ERCC6L2: variants seen among roughly 807,000 people sequenced by gnomAD.
ERCC6L2 encodes ERCC excision repair 6 like 2, also known as DNA excision repair protein ERCC-6-like 2.
A neutral mutation model predicts 132.0 loss-of-function variants in ERCC6L2; 77 were observed. The observed-to-expected ratio is 0.58, with a 90% CI of 0.49 to 0.71. ERCC6L2 has a LOEUF of 0.71. Among genes scored for constraint, ERCC6L2 ranks in the 30% least tolerant of loss-of-function variants. ERCC6L2 has a pLI of 0.00. For synonymous variants in ERCC6L2, 583 were observed against 632.4 expected, an observed-to-expected ratio of 0.92 and a Z score of 1.17; for missense variants, 1,542 against 1,837.6, an observed-to-expected ratio of 0.84 and a Z score of 2.94.
chr9:95,935,208 G>A (rs1359230552), intron 11 of ERCC6L2, among the ~76,000 whole-genome samples: 1 of 152,168 alleles, frequency 6.6e-6, no homozygotes, highest in Non-Finnish European at 1.5e-5. Flanking sequence ...TAGAAGGATG[G>A]TGATGTTTTA....
intron 17 of ERCC6L2, among the ~76,000 whole-genome samples, chr9:95,993,354 C>T (rs889938857): frequency 2.6e-5 from 4 of 152,228 alleles, no homozygotes; most frequent in South Asian, 2.1e-4. Flanking sequence ...CTGGGCTGTA[C>T]TCTCATGGTG....
At chr9:95,965,060 G>C (rs1297034214) in intron 13 of ERCC6L2, among the ~76,000 whole-genome samples, 1 of 152,090 alleles carries the variant, frequency 6.6e-6, no homozygotes, top group African/African-American at 2.4e-5. Flanking sequence ...TTGTAATTCT[G>C]TACTCCCAGG....
At chr9:95,964,240 G>T (rs1022396385) in intron 13 of ERCC6L2, among the ~76,000 whole-genome samples, 1 of 151,972 alleles carries the variant, frequency 6.6e-6, no homozygotes, top group Non-Finnish European at 1.5e-5. Context: ...TCCTATTTTA[G>T]TAATAGATTA....
At chr9:95,995,146 G>T (rs1170598404) in intron 17 of ERCC6L2, among the ~76,000 whole-genome samples, 1 of 152,122 alleles carries the variant, frequency 6.6e-6, no homozygotes, top group Non-Finnish European at 1.5e-5. Flanking sequence ...TGACATCAAA[G>T]ATAGCTATCT....
At chr9:95,981,144 G>T (rs910007782) in intron 17 of ERCC6L2, among the ~76,000 whole-genome samples, 1 of 152,116 alleles carries the variant, frequency 6.6e-6, no homozygotes. Flanking sequence ...CATAGAGTCT[G>T]AATTAGAACC....
intron 13 of ERCC6L2, among the ~76,000 whole-genome samples, chr9:95,964,447 A>G (rs931589313): frequency 1.1e-4 from 17 of 152,128 alleles, no homozygotes; most frequent in African/African-American, 3.6e-4. Context: ...GGTTATCCAG[A>G]TGGGCCAATG....
chr9:96,019,044 G>A (rs180673255), downstream of ERCC6L2, among the ~76,000 whole-genome samples: 261 of 152,282 alleles, frequency 1.7e-3, 5 homozygotes, highest in Admixed American at 0.016. Flanking sequence ...GGAAAAATGC[G>A]TGTGCAGCTC....
intron 4 of ERCC6L2, among the ~76,000 whole-genome samples, chr9:95,914,543 A>G (rs1325373098): frequency 6.6e-6 from 1 of 152,008 alleles, no homozygotes; most frequent in African/African-American, 2.4e-5. Flanking sequence ...TAGTAGAGAC[A>G]AGATTTCACC....
intron 12 of ERCC6L2, among the ~76,000 whole-genome samples, chr9:95,952,885 A>G (rs1831407570): frequency 6.6e-6 from 1 of 152,114 alleles, no homozygotes. Flanking sequence ...GTCATTTATG[A>G]AAAACCCAGA....
chr9:96,038,956 G>A, exon 20 of ERCC6L2: 1 of 456,254 alleles, frequency 2.2e-6, no homozygotes, highest in African/African-American at 2.0e-5. Context: ...CATATGGAGA[G>A]CCCACATGGG....
chr9:95,948,085 A>G (rs1477242783), intron 12 of ERCC6L2, among the ~76,000 whole-genome samples: 1 of 152,194 alleles, frequency 6.6e-6, no homozygotes, highest in African/African-American at 2.4e-5. Flanking sequence ...TAGCTGTCAT[A>G]TATAGTGATT....
chr9:95,922,555 T>A, intron 8 of ERCC6L2, 137 bp downstream of exon 8: 1 of 605,294 alleles, frequency 1.7e-6, no homozygotes, highest in Non-Finnish European at 2.9e-6. Context: ...AATGTAGATA[T>A]CAAGGAGTAT....
At position 95,964,477 on chromosome 9, in the gene ERCC6L2, A is replaced by G. The variant is rs1587989118; in HGVS notation, c.1948-2085A>G. 2.0e-5 allele frequency among the ~76,000 whole-genome samples: 3 copies of G among 152,136 alleles called. No individual in the cohort carries two copies. In the East Asian group the frequency reaches 5.8e-4, roughly 29 times the overall value. On this transcript the variant is annotated intron_variant, in intron 13 of 18. Transcript: ENST00000653738. The stretch of plus-strand genomic sequence containing the variant: ...CCAATGTAATCACAAGGGATTTTTT[A>G]TAAGGGTCAGATGTGCACATCTTCA...
At chr9:95,902,637 C>G (rs1828837349) in intron 3 of ERCC6L2, among the ~76,000 whole-genome samples, 1 of 152,080 alleles carries the variant, frequency 6.6e-6, no homozygotes, top group Non-Finnish European at 1.5e-5. Context: ...TTTTTGATAA[C>G]TGGAGTTAAA....
At chr9:95,934,781 A>G (rs1401655957) in intron 11 of ERCC6L2, among the ~76,000 whole-genome samples, 1 of 152,186 alleles carries the variant, frequency 6.6e-6, no homozygotes, top group Non-Finnish European at 1.5e-5. Context: ...TCCAGATGAT[A>G]TAAGTACCTC....
intron 2 of ERCC6L2, among the ~76,000 whole-genome samples, chr9:95,885,497 C>G (rs1827816184): frequency 1.3e-5 from 2 of 152,150 alleles, no homozygotes; most frequent in African/African-American, 4.8e-5. Context: ...ATACAAAATC[C>G]AAGATTTTTA....
intron 2 of ERCC6L2, among the ~76,000 whole-genome samples, chr9:95,887,688 G>T (rs1827946879): frequency 6.6e-6 from 1 of 152,134 alleles, no homozygotes; most frequent in African/African-American, 2.4e-5. Flanking sequence ...TCACTCTTGA[G>T]AGAAATGGGA....
chr9:95,883,188 C>T (rs1827687079), intron 2 of ERCC6L2, among the ~76,000 whole-genome samples: 1 of 152,204 alleles, frequency 6.6e-6, no homozygotes, highest in Non-Finnish European at 1.5e-5. Context: ...CATCAGATTA[C>T]TTCCTTAGCC....
intron 11 of ERCC6L2, among the ~76,000 whole-genome samples, chr9:95,930,052 A>G (rs1170134431): frequency 6.6e-6 from 1 of 152,034 alleles, no homozygotes; most frequent in Non-Finnish European, 1.5e-5. Context: ...TTTGGATGGC[A>G]TTTTTGCTCT....
Sources: allele counts gnomAD v4.1 joint callset (sites outside exome capture counted in the v4.1 genomes callset), GRCh38; gene constraint gnomAD v4.1.1; transcripts MANE v1.5; gene names NCBI Gene and HGNC (gene_info 2026-07-23, HGNC 2026-07-21).